CTNNA3: variants seen among roughly 807,000 people sequenced by gnomAD.
CTNNA3 encodes the protein catenin alpha 3.
Under a neutral mutation model 95.7 loss-of-function variants are expected in CTNNA3, and 76 were observed. That is an observed-to-expected ratio of 0.79 (90% CI 0.66 to 0.96). CTNNA3 has a LOEUF of 0.96. Among genes scored for constraint, CTNNA3 ranks in the 40% least tolerant of loss-of-function variants. CTNNA3 has a pLI of 0.00. For synonymous variants in CTNNA3, 431 were observed against 374.4 expected (o/e 1.15, Z -1.74); for missense variants, 1,191 against 1,089.8 (o/e 1.09, Z -1.31).
chr10:66,068,316 T>G lies in CTNNA3; in HGVS notation c.2159+992A>C, dbSNP rs188223517. ...TATATAAATGGGATCAAATTTTTGT[T>G]TATCCAGTTATCCATTTACATTTCA... On this transcript the variant is annotated intron_variant, in intron 15 of 17. Transcript: ENST00000433211. 2.6e-3 allele frequency among the ~76,000 whole-genome samples: 389 copies of G among 152,266 alleles called. 6 individuals are homozygous for G. The highest frequency in any genetic ancestry group is 9.0e-3 in the African/African-American group (376 of 41,574).
intron 9 of CTNNA3, among the ~76,000 whole-genome samples, chr10:66,729,080 G>C (rs1848869945): frequency 6.6e-6 from 1 of 152,144 alleles, no homozygotes; most frequent in Admixed American, 6.5e-5. Context: ...TCTTATTTCT[G>C]AGTTATCTAT....
At chr10:67,140,553 A>G (rs978699292) in intron 7 of CTNNA3, among the ~76,000 whole-genome samples, 3 of 152,208 alleles carry the variant, frequency 2.0e-5, no homozygotes, top group Admixed American at 6.5e-5. Flanking sequence ...TACTAATTAC[A>G]TGTACAAAGA....
intron 7 of CTNNA3, among the ~76,000 whole-genome samples, chr10:66,898,844 A>G (rs1367361062): frequency 6.6e-6 from 1 of 152,220 alleles, no homozygotes; most frequent in East Asian, 1.9e-4. Flanking sequence ...TCATGCAACA[A>G]AAGCAAAATT....
At chr10:66,325,409 G>A (rs1456031648) in intron 12 of CTNNA3, among the ~76,000 whole-genome samples, 2 of 152,026 alleles carry the variant, frequency 1.3e-5, no homozygotes, top group Admixed American at 6.6e-5. Flanking sequence ...AAAAAATAAC[G>A]TGCTTCTTTT....
chr10:66,452,634 C>T (rs760662194), intron 11 of CTNNA3, among the ~76,000 whole-genome samples: 1 of 152,146 alleles, frequency 6.6e-6, no homozygotes, highest in Non-Finnish European at 1.5e-5. Flanking sequence ...AATTATTTCT[C>T]AGAAATCATG....
At chr10:67,646,226 AG>A (rs1002095063) in intron 2 of CTNNA3, among the ~76,000 whole-genome samples, 5 of 147,798 alleles carry the variant, frequency 3.4e-5, no homozygotes, top group Non-Finnish European at 7.4e-5. Flanking sequence ...TATGTTGCCC[AG>A]GCTGGTCTTT....
At position 66,110,294 on chromosome 10, in the gene CTNNA3, G is replaced by A. The variant is rs187719137; in HGVS notation, c.1885-7045C>T. Among the ~76,000 whole-genome samples, 7 of 151,316 alleles carry A rather than the reference G, an allele frequency of 4.6e-5. No individual in the cohort carries two copies. In the South Asian group the frequency reaches 6.3e-4, roughly 14 times the overall value. ...AGGGAATCATTTGAACCTGGGAGGT[G>A]GAGGTTGCAGTGAGCCAATATCATG... On this transcript the variant is annotated intron_variant, in intron 13 of 17. Coordinates refer to ENST00000433211, the MANE Select transcript of CTNNA3 (RefSeq NM_013266.4).
At chr10:67,232,737 C>T (rs895052668) in intron 5 of CTNNA3, among the ~76,000 whole-genome samples, 3 of 151,768 alleles carry the variant, frequency 2.0e-5, no homozygotes, top group African/African-American at 7.3e-5. Context: ...AGAATCAAGA[C>T]CCATCAGTGT....
At chr10:65,969,075 T>A (rs1446007334) in intron 16 of CTNNA3, among the ~76,000 whole-genome samples, 1 of 152,112 alleles carries the variant, frequency 6.6e-6, no homozygotes, top group Non-Finnish European at 1.5e-5. Context: ...TCGGTATTGG[T>A]CATACACACC....
intron 11 of CTNNA3, among the ~76,000 whole-genome samples, chr10:66,510,818 C>G (rs1186880765): frequency 6.6e-6 from 1 of 151,720 alleles, no homozygotes; most frequent in East Asian, 1.9e-4. Flanking sequence ...GTGTTTAAAT[C>G]TATCTTCATC....
At chr10:65,971,534 T>C (rs141222715) in intron 16 of CTNNA3, among the ~76,000 whole-genome samples, 2 of 151,616 alleles carry the variant, frequency 1.3e-5, no homozygotes, top group East Asian at 1.9e-4. Context: ...TCAGAAACTA[T>C]TGGGAACACA....
chr10:67,761,030 G>A (rs1324937562), intron 1 of CTNNA3, among the ~76,000 whole-genome samples: 1 of 152,130 alleles, frequency 6.6e-6, no homozygotes, highest in African/African-American at 2.4e-5. Flanking sequence ...ACTGGTCTCT[G>A]GTACCAAAAA....
chr10:67,032,126 C>T (rs530167429), intron 7 of CTNNA3, among the ~76,000 whole-genome samples: 1 of 152,132 alleles, frequency 6.6e-6, no homozygotes, highest in African/African-American at 2.4e-5. Flanking sequence ...GGTTTGTTTC[C>T]ACTTTATATG....
intron 11 of CTNNA3, among the ~76,000 whole-genome samples, chr10:66,408,421 G>A (rs4304652): frequency 0.21 from 32,043 of 151,480 alleles, 3,578 homozygotes; most frequent in South Asian, 0.27. Flanking sequence ...ACAAAACCTC[G>A]ACCACATGAC....
intron 1 of CTNNA3, among the ~76,000 whole-genome samples, chr10:67,680,354 A>C (rs190821089): frequency 6.6e-6 from 1 of 152,250 alleles, no homozygotes; most frequent in Non-Finnish European, 1.5e-5. Context: ...TCACTAACAG[A>C]TAAAACATTA....
intron 16 of CTNNA3, among the ~76,000 whole-genome samples, chr10:65,977,363 A>T (rs2078226351): frequency 6.6e-6 from 1 of 152,192 alleles, no homozygotes; most frequent in East Asian, 1.9e-4. Flanking sequence ...ATGTAAAAAA[A>T]ATTCATTACG....
In CTNNA3 at chr10:65,988,810, T is replaced by G; in HGVS notation, c.2160-13A>C. The G allele has an allele frequency of 6.3e-7, 1 of 1,586,774 alleles. No homozygotes were observed. Among genetic ancestry groups the G allele is most frequent in the Non-Finnish European group, 8.6e-7 (1 of 1,156,544 alleles). On this transcript the variant is annotated splice_polypyrimidine_tract_variant and intron_variant, in intron 15 of 17. Transcript: ENST00000433211. ...TGGTCCTTTGCCCCTGGAAAAAAAT[T>G]TATATATGTTAGCTGTGGTGTTCAT...
At chr10:67,693,762 A>T (rs1391349804) in intron 1 of CTNNA3, among the ~76,000 whole-genome samples, 1 of 152,182 alleles carries the variant, frequency 6.6e-6, no homozygotes, top group Non-Finnish European at 1.5e-5. Context: ...TCCAATAATT[A>T]GTTGTATTTA....
At chr10:66,519,706 T>A (rs921164279) in intron 11 of CTNNA3, among the ~76,000 whole-genome samples, 4 of 152,160 alleles carry the variant, frequency 2.6e-5, no homozygotes, top group African/African-American at 9.7e-5. Flanking sequence ...AGACTGAACC[T>A]TTGTTCATCT....
Sources: allele counts gnomAD v4.1 joint callset (sites outside exome capture counted in the v4.1 genomes callset), GRCh38; gene constraint gnomAD v4.1.1; transcripts MANE v1.5; gene names NCBI Gene and HGNC (gene_info 2026-07-23, HGNC 2026-07-21).